Variants in TMEM132D observed in about 807,000 individuals in gnomAD.
The protein encoded by TMEM132D is mature OL transmembrane protein.
In TMEM132D, 21 loss-of-function variants were observed where a neutral mutation model predicts 62.3. That is an observed-to-expected ratio of 0.34 (90% CI 0.24 to 0.49). The LOEUF (loss-of-function observed/expected upper bound fraction) is 0.49, where lower values mean the gene tolerates loss of function less well. Among genes scored for constraint, TMEM132D ranks in the 20% least tolerant of loss-of-function variants. TMEM132D has a pLI of 0.99. For missense variants in TMEM132D, 1,346 were observed against 1,402.8 expected (o/e 0.96, Z 0.65); for synonymous variants, 621 against 575.6 (o/e 1.08, Z -1.13).
At chr12:129,222,371 C>T (rs561524082) in intron 4 of TMEM132D, among the ~76,000 whole-genome samples, 2 of 152,330 alleles carry the variant, frequency 1.3e-5, no homozygotes, top group East Asian at 1.9e-4. Flanking sequence ...TGCCATAGCA[C>T]GTATCCACAC....
Position 129,513,804 on chromosome 12 carries a change from T to A in TMEM132D, c.1115+17255A>T, listed in dbSNP as rs200312847. On this transcript the variant is annotated intron_variant, in intron 3 of 8. Coordinates refer to ENST00000422113, the MANE Select transcript of TMEM132D (RefSeq NM_133448.3). ...CCGGCCAATGGGGACCAATTTTTAT[T>A]TTTATTTATTTATTTATTTATTTAT... Among the ~76,000 whole-genome samples, 220 of 134,060 alleles carry A rather than the reference T, an allele frequency of 1.6e-3. 1 individual carries two copies. Among genetic ancestry groups the A allele is most frequent in the South Asian group, 0.013 (52 of 4,022 alleles). 87.9% of individuals were successfully genotyped at this position (134,060 alleles called of 152,430 possible).
intron 5 of TMEM132D, among the ~76,000 whole-genome samples, chr12:129,174,466 T>A (rs1877842178): frequency 6.6e-6 from 1 of 152,212 alleles, no homozygotes; most frequent in Non-Finnish European, 1.5e-5. Context: ...ATTTTCTTTA[T>A]CCAGTCTATC....
intron 2 of TMEM132D, among the ~76,000 whole-genome samples, chr12:129,695,301 C>G (rs1881178077): frequency 6.6e-6 from 1 of 152,094 alleles, no homozygotes; most frequent in South Asian, 2.1e-4. Flanking sequence ...AATCATGTGT[C>G]AATATTGGTG....
intron 2 of TMEM132D, among the ~76,000 whole-genome samples, chr12:129,544,191 A>G (rs1566104897): frequency 6.6e-6 from 1 of 152,104 alleles, no homozygotes; most frequent in Non-Finnish European, 1.5e-5. Context: ...GGTATTGAAC[A>G]TTTTTTCACA....
intron 4 of TMEM132D, among the ~76,000 whole-genome samples, chr12:129,215,323 T>C (rs1879171580): frequency 6.6e-6 from 1 of 152,134 alleles, no homozygotes; most frequent in Non-Finnish European, 1.5e-5. Context: ...CACTGGGGCC[T>C]ATGTGAGGGT....
intron 1 of TMEM132D, among the ~76,000 whole-genome samples, chr12:129,811,946 AC>A (rs556596494): frequency 1.3e-4 from 19 of 151,826 alleles, no homozygotes; most frequent in African/African-American, 4.6e-4. Context: ...CTCAGAGCCC[AC>A]CCACCTGACA....
At chr12:129,329,299 T>G (rs1344697440) in intron 4 of TMEM132D, among the ~76,000 whole-genome samples, 1 of 152,130 alleles carries the variant, frequency 6.6e-6, no homozygotes, top group Non-Finnish European at 1.5e-5. Context: ...GAAGAGATTT[T>G]TTCAAGGGCT....
chr12:129,220,714 A>G (rs752238526), intron 4 of TMEM132D, among the ~76,000 whole-genome samples: 1 of 152,196 alleles, frequency 6.6e-6, no homozygotes, highest in Non-Finnish European at 1.5e-5. Context: ...ACCTTGTAAG[A>G]TTCTTTTGTC....
intron 3 of TMEM132D, among the ~76,000 whole-genome samples, chr12:129,492,155 C>T (rs1294245108): frequency 1.3e-5 from 2 of 151,908 alleles, no homozygotes; most frequent in African/African-American, 4.8e-5. Context: ...TTCTCTTTTT[C>T]TTTTTTTCTT....
intron 1 of TMEM132D, among the ~76,000 whole-genome samples, chr12:129,704,259 T>C (rs1881451018): frequency 1.3e-5 from 2 of 152,228 alleles, no homozygotes; most frequent in Admixed American, 6.5e-5. Flanking sequence ...GCTGAGTAGA[T>C]AGCTGTAAGA....
chr12:129,495,572 A>T (rs1874925577), intron 3 of TMEM132D, among the ~76,000 whole-genome samples: 1 of 152,170 alleles, frequency 6.6e-6, no homozygotes, highest in South Asian at 2.1e-4. Context: ...ACCAGCAGGT[A>T]CAGAGAGGTG....
intron 4 of TMEM132D, among the ~76,000 whole-genome samples, chr12:129,238,327 A>T (rs1308676387): frequency 6.6e-6 from 1 of 152,278 alleles, no homozygotes; most frequent in African/African-American, 2.4e-5. Flanking sequence ...TTTTAAAATT[A>T]CGATAAAATA....
chr12:129,877,607 G>GCA (rs1400990402), intron 1 of TMEM132D, among the ~76,000 whole-genome samples: 3 of 94,132 alleles, frequency 3.2e-5, no homozygotes, highest in African/African-American at 1.0e-4. Context: ...CCAAACGCGC[G>GCA]CGCGCGCACA....
chr12:129,506,554 A>C (rs1875336277), intron 3 of TMEM132D, among the ~76,000 whole-genome samples: 1 of 152,214 alleles, frequency 6.6e-6, no homozygotes, highest in Non-Finnish European at 1.5e-5. Context: ...AAATAAACCC[A>C]AATACTTACA....
chr12:129,356,863 A>T (rs1198372283), intron 3 of TMEM132D, among the ~76,000 whole-genome samples: 1 of 134,708 alleles, frequency 7.4e-6, no homozygotes, highest in Non-Finnish European at 1.6e-5. Context: ...AGACAAAGAA[A>T]GGAAGGAAAG....
intron 3 of TMEM132D, among the ~76,000 whole-genome samples, chr12:129,430,122 G>A (rs1240918081): frequency 5.3e-5 from 8 of 152,212 alleles, no homozygotes; most frequent in African/African-American, 1.4e-4. Flanking sequence ...TGGGTCAAAC[G>A]GTATTTCTAG....
At chr12:129,684,853 C>T (rs1474223703) in intron 2 of TMEM132D, among the ~76,000 whole-genome samples, 2 of 152,024 alleles carry the variant, frequency 1.3e-5, no homozygotes, top group African/African-American at 4.8e-5. Context: ...AAAAGTCACT[C>T]TTGCAATGCT....
At chr12:129,186,704 C>T (rs1212032215) in intron 5 of TMEM132D, among the ~76,000 whole-genome samples, 1 of 152,176 alleles carries the variant, frequency 6.6e-6, no homozygotes, top group Admixed American at 6.5e-5. Context: ...ATGAAATGAG[C>T]TAATACATGT....
At chr12:129,243,386 T>G (rs1157481778) in intron 4 of TMEM132D, among the ~76,000 whole-genome samples, 1 of 152,216 alleles carries the variant, frequency 6.6e-6, no homozygotes, top group East Asian at 1.9e-4. Flanking sequence ...TTTACTATAC[T>G]GCAATTGCAG....
Sources: allele counts gnomAD v4.1 joint callset (sites outside exome capture counted in the v4.1 genomes callset), GRCh38; gene constraint gnomAD v4.1.1; transcripts MANE v1.5; gene names NCBI Gene and HGNC (gene_info 2026-07-23, HGNC 2026-07-21).